The following PDE4D variants were observed in gnomAD, a reference collection of about 807,000 sequenced individuals.
PDE4D encodes 3',5'-cyclic-AMP phosphodiesterase 4D.
PDE4D carries 24 observed loss-of-function variants against 87.4 expected under a neutral mutation model. The ratio of observed to expected loss-of-function variants is 0.27; its 90% CI spans 0.20 to 0.39. The LOEUF (loss-of-function observed/expected upper bound fraction) is 0.39, where lower values mean the gene tolerates loss of function less well. Among genes scored for constraint, PDE4D ranks in the 10% least tolerant of loss-of-function variants. The pLI, the probability that PDE4D is intolerant of heterozygous loss-of-function variation, is 1.00. For missense variants in PDE4D, 714 were observed against 1,041.0 expected (o/e 0.69, Z 4.32); for synonymous variants, 384 against 383.2 (o/e 1.00, Z -0.02).
intron 5 of PDE4D, among the ~76,000 whole-genome samples, chr5:59,124,994 T>C (rs72762616): frequency 0.069 from 10,538 of 152,060 alleles, 474 homozygotes; most frequent in Non-Finnish European, 0.1. Context: ...TCTTTTTTTT[T>C]CAAATTAATT....
At position 58,988,536 on chromosome 5, in the gene PDE4D, A is replaced by G. The variant is rs1487251832; in HGVS notation, c.1509T>C (p.Asp503=). Residue 503 remains aspartate (D), a synonymous_variant, in exon 11 of 15, where the codon GAT becomes GAC. Coordinates refer to ENST00000340635, the MANE Select transcript of PDE4D (RefSeq NM_001104631.2). The stretch of plus-strand genomic sequence containing the variant: ...GATTGGACACACCAGGATGATCTAC[A>G]TCATGTATTGCACTGGCAAAAATTG... The part of the protein sequence containing the change: ...LAAIFASAIH[D]VDHPGVSNQF... 1.4e-5 allele frequency: 21 copies of G among 1,510,012 alleles called. No individual in the cohort carries two copies. The highest frequency in any genetic ancestry group is 1.8e-5 in the Non-Finnish European group (20 of 1,122,168). The allele number at this position is 1,510,012 out of a possible 1,614,324, so 93.5% of individuals were successfully genotyped here.
chr5:58,991,342 A>ATTGT (rs1488380731), intron 8 of PDE4D, among the ~76,000 whole-genome samples: 1 of 152,204 alleles, frequency 6.6e-6, no homozygotes. Context: ...AGATTGTTAG[A>ATTGT]TTGTTTTAAA....
At chr5:60,178,632 A>T (rs1582980752) in intron 2 of PDE4D, among the ~76,000 whole-genome samples, 2 of 152,162 alleles carry the variant, frequency 1.3e-5, no homozygotes, top group Non-Finnish European at 2.9e-5. Context: ...GAAAAATAAA[A>T]GTTGGACATT....
rs1292242852 is a variant in PDE4D at position 59,869,645 on chromosome 5, C to T, written c.455+23523G>A. On this transcript the variant is annotated intron_variant, in intron 1 of 14. Coordinates refer to ENST00000340635, the MANE Select transcript of PDE4D (RefSeq NM_001104631.2). ...CATCTAGCATAATGGTTCGTTTTCT[C>T]GTAATTACCAGTTGAAAGTGAACCT... Among the ~76,000 whole-genome samples, 18 of 152,080 alleles carry T rather than the reference C, an allele frequency of 1.2e-4. 1 individual carries two copies. Among genetic ancestry groups the T allele is most frequent in the South Asian group, 4.1e-4 (2 of 4,824 alleles).
chr5:60,482,474 G>T (rs1288565225), intron 1 of PDE4D, among the ~76,000 whole-genome samples: 1 of 152,154 alleles, frequency 6.6e-6, no homozygotes, highest in Non-Finnish European at 1.5e-5. Context: ...GGGGCCATGT[G>T]ACCAAGCTCT....
At position 60,022,314 on chromosome 5, in the gene PDE4D, G is replaced by A. The variant is rs532177277; in HGVS notation, c.43-33597C>T. ...CTCCTAAAGTTCCCTATAATCTTTC[G>A]AATAACAATAAAGTCACCATATTTA... On this transcript the variant is annotated intron_variant, in intron 2 of 16. Transcript: ENST00000502484. 7.2e-5 allele frequency among the ~76,000 whole-genome samples: 11 copies of A among 152,162 alleles called. No individual in the cohort carries two copies. In the East Asian group the frequency reaches 7.7e-4, roughly 11 times the overall value.
chr5:60,327,399 A>G (rs1348791591), intron 1 of PDE4D, among the ~76,000 whole-genome samples: 1 of 152,184 alleles, frequency 6.6e-6, no homozygotes, highest in Non-Finnish European at 1.5e-5. Context: ...TAGGAGAGCA[A>G]CTTTCACATG....
chr5:60,116,022 T>C (rs1029364800), intron 2 of PDE4D, among the ~76,000 whole-genome samples: 18 of 152,126 alleles, frequency 1.2e-4, no homozygotes, highest in Admixed American at 7.9e-4. Context: ...GTAAACAACA[T>C]TATTTACAGA....
intron 1 of PDE4D, among the ~76,000 whole-genome samples, chr5:59,400,801 T>C (rs1790471122): frequency 6.6e-6 from 1 of 152,278 alleles, no homozygotes; most frequent in South Asian, 2.1e-4. Context: ...AACTGCATTT[T>C]AGATATGAGA....
intron 1 of PDE4D, among the ~76,000 whole-genome samples, chr5:60,416,211 T>G (rs540476399): frequency 6.6e-6 from 1 of 152,156 alleles, no homozygotes; most frequent in East Asian, 1.9e-4. Flanking sequence ...ACCAATCAGC[T>G]CTCTGTAAAA....
chr5:59,097,468 C>T (rs1305269406), intron 5 of PDE4D, among the ~76,000 whole-genome samples: 4 of 152,182 alleles, frequency 2.6e-5, no homozygotes, highest in African/African-American at 9.7e-5. Flanking sequence ...CTTCTACCCT[C>T]CACTCTCTAA....
At chr5:59,409,670 TGAGCAGATGCCA>T (rs1792320850) in intron 1 of PDE4D, among the ~76,000 whole-genome samples, 1 of 152,196 alleles carries the variant, frequency 6.6e-6, no homozygotes, top group African/African-American at 2.4e-5. Flanking sequence ...CCCCAGAAGC[TGAGCAGATGCCA>T]GCACCATGCT....
At chr5:60,036,625 T>C (rs1767830214) in intron 2 of PDE4D, among the ~76,000 whole-genome samples, 2 of 152,190 alleles carry the variant, frequency 1.3e-5, no homozygotes, top group African/African-American at 2.4e-5. Context: ...CACAGAATTA[T>C]GGGGAAAAAA....
At chr5:59,305,126 T>C (rs1771066069) in intron 1 of PDE4D, among the ~76,000 whole-genome samples, 1 of 152,114 alleles carries the variant, frequency 6.6e-6, no homozygotes, top group Non-Finnish European at 1.5e-5. Flanking sequence ...GCTAGGAGTG[T>C]TGTATTTTTC....
intron 5 of PDE4D, among the ~76,000 whole-genome samples, chr5:59,166,670 A>T (rs1781972347): frequency 6.6e-6 from 1 of 152,208 alleles, no homozygotes; most frequent in South Asian, 2.1e-4. Flanking sequence ...AAACTCTTTA[A>T]AATCCCTTGA....
chr5:59,666,846 G>A (rs1440283265), intron 1 of PDE4D, among the ~76,000 whole-genome samples: 2 of 152,216 alleles, frequency 1.3e-5, no homozygotes, highest in Non-Finnish European at 2.9e-5. Context: ...GACAGATGCT[G>A]TCGGCCAGCC....
intron 1 of PDE4D, among the ~76,000 whole-genome samples, chr5:60,318,490 G>A (rs1444669358): frequency 2.0e-5 from 3 of 152,110 alleles, no homozygotes; most frequent in South Asian, 2.1e-4. Context: ...TTACATTTAA[G>A]GTTAATATTG....
At chr5:60,254,264 C>A (rs1748800082) in intron 1 of PDE4D, among the ~76,000 whole-genome samples, 1 of 151,892 alleles carries the variant, frequency 6.6e-6, no homozygotes, top group African/African-American at 2.4e-5. Context: ...CAAGAGATTT[C>A]TTTCCTTCAT....
intron 2 of PDE4D, among the ~76,000 whole-genome samples, chr5:59,209,187 T>C (rs2153502015): frequency 6.6e-6 from 1 of 152,274 alleles, no homozygotes; most frequent in South Asian, 2.1e-4. Context: ...TTATCTTTAA[T>C]CATTTTTTTT....
Sources: gnomAD v4.1 joint callset for allele counts (sites outside exome capture counted in the v4.1 genomes callset) on GRCh38, gnomAD v4.1.1 for gene constraint, MANE v1.5 for transcripts, NCBI Gene and HGNC (gene_info 2026-07-23, HGNC 2026-07-21) for gene names.